SORCS2: variants seen among roughly 807,000 people sequenced by gnomAD.
SORCS2 encodes sortilin related VPS10 domain containing receptor 2.
In SORCS2, 100 loss-of-function variants were observed where a neutral mutation model predicts 141.6. The observed-to-expected ratio is 0.71, with a 90% CI of 0.60 to 0.83. SORCS2 has a LOEUF of 0.83. Among genes scored for constraint, SORCS2 ranks in the 40% least tolerant of loss-of-function variants. The pLI is 0.00. For synonymous variants in SORCS2, 789 were observed against 676.9 expected (o/e 1.17, Z -2.57); for missense variants, 1,646 against 1,560.2 (o/e 1.05, Z -0.93).
chr4:7,502,526 CT>C (rs1732032171), intron 2 of SORCS2, among the ~76,000 whole-genome samples: 1 of 152,216 alleles, frequency 6.6e-6, no homozygotes, highest in Non-Finnish European at 1.5e-5. Flanking sequence ...GTGGACATGG[CT>C]GGTCTGACTG....
At chr4:7,543,978 A>G (rs374290860) in intron 3 of SORCS2, among the ~76,000 whole-genome samples, 5,029 of 108,292 alleles carry the variant, frequency 0.046, 547 homozygotes, top group African/African-American at 0.14. Flanking sequence ...CCATCCACCC[A>G]TCCGTCCATC....
Position 7,689,234 on chromosome 4 carries a change from G to C in SORCS2, c.1489-252G>C, listed in dbSNP as rs191231477. 5.3e-5 allele frequency among the ~76,000 whole-genome samples: 8 copies of C among 152,212 alleles called. No individual in the cohort carries two copies. The East Asian group carries it at 1.5e-3, about 29-fold the overall frequency. The stretch of plus-strand genomic sequence containing the variant: ...AGGGAACCAACAGATCCTCCCAGGT[G>C]CCTCACTTGTGCCCACTTCCCCCTC... On this transcript the variant is annotated intron_variant, in intron 10 of 26. Coordinates refer to ENST00000507866, the MANE Select transcript of SORCS2 (RefSeq NM_020777.3).
chr4:7,610,990 G>A (rs1046482144), intron 3 of SORCS2, among the ~76,000 whole-genome samples: 10 of 152,118 alleles, frequency 6.6e-5, no homozygotes, highest in African/African-American at 1.7e-4. Flanking sequence ...ACTCCCGCAC[G>A]CGTGCAGACA....
intron 11 of SORCS2, among the ~76,000 whole-genome samples, chr4:7,692,870 T>C (rs1724349770): frequency 6.6e-6 from 1 of 152,086 alleles, no homozygotes; most frequent in Non-Finnish European, 1.5e-5. Context: ...AGGAGATGCA[T>C]TCCAGTCTCT....
intron 2 of SORCS2, among the ~76,000 whole-genome samples, chr4:7,461,781 C>T (rs1729327890): frequency 6.6e-6 from 1 of 152,182 alleles, no homozygotes; most frequent in South Asian, 2.1e-4. Context: ...AGCTCCCCAA[C>T]CCCTGCTGCC....
intron 5 of SORCS2, among the ~76,000 whole-genome samples, chr4:7,656,291 C>T (rs886074092): frequency 2.4e-4 from 36 of 152,298 alleles, no homozygotes; most frequent in Admixed American, 2.0e-3. Context: ...GGCAGGGCCG[C>T]GGGTACCCGC....
At chr4:7,570,795 C>T (rs1051932899) in intron 3 of SORCS2, among the ~76,000 whole-genome samples, 10 of 152,254 alleles carry the variant, frequency 6.6e-5, no homozygotes, top group East Asian at 3.9e-4. Flanking sequence ...AATCAGTGCC[C>T]GAAGCCAGGG....
At chr4:7,484,832 T>C (rs1730875258) in intron 2 of SORCS2, among the ~76,000 whole-genome samples, 3 of 151,918 alleles carry the variant, frequency 2.0e-5, no homozygotes, top group Admixed American at 2.0e-4. Flanking sequence ...GTACCCAGCC[T>C]GCCTCCTCCA....
At chr4:7,481,727 A>G (rs573751977) in intron 2 of SORCS2, among the ~76,000 whole-genome samples, 10 of 152,210 alleles carry the variant, frequency 6.6e-5, no homozygotes, top group African/African-American at 2.4e-4. Context: ...AGAAACTGAC[A>G]TCCTTGTGGG....
At chr4:7,315,051 T>A (rs951175964) in intron 1 of SORCS2, among the ~76,000 whole-genome samples, 1 of 152,134 alleles carries the variant, frequency 6.6e-6, no homozygotes, top group African/African-American at 2.4e-5. Context: ...CAGGCTGGTC[T>A]CGAACTCCTG....
At chr4:7,452,877 CGTGTTGGGGTCAGGCGCT>C (rs1420765871) in intron 2 of SORCS2, among the ~76,000 whole-genome samples, 1,259 of 98,898 alleles carry the variant, frequency 0.013, 3 homozygotes, top group Middle Eastern at 0.045. Context: ...GGTCAGGTGC[CGTGTTGGGGTCAGGCGCT>C]GTGTTGGGGT....
intron 1 of SORCS2, among the ~76,000 whole-genome samples, chr4:7,246,967 T>C (rs1713140545): frequency 6.6e-6 from 1 of 152,176 alleles, no homozygotes; most frequent in Non-Finnish European, 1.5e-5. Context: ...CCCTTCCTTA[T>C]TCCCCAGCTA....
intron 1 of SORCS2, among the ~76,000 whole-genome samples, chr4:7,285,042 T>A (rs1205014920): frequency 1.4e-5 from 2 of 147,884 alleles, no homozygotes; most frequent in Non-Finnish European, 3.0e-5. Context: ...ATATATTTTT[T>A]TTTTTTTGAG....
At position 7,624,682 on chromosome 4, in the gene SORCS2, G is replaced by A. The variant is rs138280908; in HGVS notation, c.649-13646G>A. Among the ~76,000 whole-genome samples, 1,067 of 152,284 alleles carry A rather than the reference G, an allele frequency of 7.0e-3. 6 individuals carry two copies. Among genetic ancestry groups the A allele is most frequent in the Non-Finnish European group, 0.011 (749 of 68,024 alleles). On this transcript the variant is annotated intron_variant, in intron 3 of 26. Transcript: ENST00000507866. ...AGATAAATGAACAAATTGTTCACACGTCCAACCGTACATAGTTAATGCAAC... is the reference window on the plus strand; with the variant it reads ...AGATAAATGAACAAATTGTTCACACATCCAACCGTACATAGTTAATGCAAC...
intron 2 of SORCS2, among the ~76,000 whole-genome samples, chr4:7,489,030 T>C (rs7690364): frequency 0.97 from 147,782 of 152,262 alleles, 71,834 homozygotes; most frequent in East Asian, 1. Flanking sequence ...ACCTCCTATA[T>C]GGTCAGCAGC....
At chr4:7,458,086 A>G (rs1729038720) in intron 2 of SORCS2, among the ~76,000 whole-genome samples, 1 of 152,208 alleles carries the variant, frequency 6.6e-6, no homozygotes, top group African/African-American at 2.4e-5. Context: ...CAGGGGTGCC[A>G]TAGGTGACAC....
intron 2 of SORCS2, among the ~76,000 whole-genome samples, chr4:7,403,987 ATATATATATATT>A (rs1347766926): frequency 0.087 from 1,910 of 22,076 alleles, 111 homozygotes; most frequent in South Asian, 0.19. Flanking sequence ...ATATATATAT[ATATATATATATT>A]TTTTTTTTTT....
At chr4:7,314,319 T>G (rs1718402101) in intron 1 of SORCS2, among the ~76,000 whole-genome samples, 1 of 147,740 alleles carries the variant, frequency 6.8e-6, no homozygotes, top group Non-Finnish European at 1.5e-5. Context: ...AAGAAAATCA[T>G]GGCCTTTTTT....
At chr4:7,522,638 C>T (rs2109509797) in intron 2 of SORCS2, among the ~76,000 whole-genome samples, 1 of 151,916 alleles carries the variant, frequency 6.6e-6, no homozygotes, top group East Asian at 1.9e-4. Flanking sequence ...CTCCCTCCTC[C>T]TCCCTCCTTT....
Sources: gnomAD v4.1 joint callset for allele counts (sites outside exome capture counted in the v4.1 genomes callset) on GRCh38, gnomAD v4.1.1 for gene constraint, MANE v1.5 for transcripts, NCBI Gene and HGNC (gene_info 2026-07-23, HGNC 2026-07-21) for gene names.